Variants in PLCE1 observed in about 807,000 individuals in gnomAD.
PLCE1 encodes the protein 1-phosphatidylinositol 4,5-bisphosphate phosphodiesterase epsilon-1.
In PLCE1, 119 loss-of-function variants were observed where a neutral mutation model predicts 242.8. The observed-to-expected ratio is 0.49, with a 90% CI of 0.42 to 0.57. The LOEUF (loss-of-function observed/expected upper bound fraction) is 0.57, where lower values mean the gene tolerates loss of function less well. Ranked by LOEUF, PLCE1 falls within the 20% of genes least tolerant of loss-of-function variation. The pLI is 0.00. For missense variants in PLCE1, 2,441 were observed against 2,788.8 expected, an observed-to-expected ratio of 0.88 and a Z score of 2.81; for synonymous variants, 945 against 1,017.4, an observed-to-expected ratio of 0.93 and a Z score of 1.35.
chr10:94,113,599 A>G (rs2046023231), intron 2 of PLCE1, among the ~76,000 whole-genome samples: 1 of 152,218 alleles, frequency 6.6e-6, no homozygotes, highest in South Asian at 2.1e-4. Context: ...CATTCATTCA[A>G]TTATCACACA....
intron 14 of PLCE1, among the ~76,000 whole-genome samples, chr10:94,263,430 C>T (rs1436139864): frequency 6.6e-6 from 1 of 151,260 alleles, no homozygotes; most frequent in Non-Finnish European, 1.5e-5. Context: ...AGGAGAATCA[C>T]TGGAACACGG....
At chr10:94,267,364 C>T (rs952110209) in intron 16 of PLCE1, among the ~76,000 whole-genome samples, 2 of 152,146 alleles carry the variant, frequency 1.3e-5, no homozygotes, top group African/African-American at 4.8e-5. Flanking sequence ...CAAGGAGAGA[C>T]TCTCACAGCT....
intron 2 of PLCE1, among the ~76,000 whole-genome samples, chr10:94,062,422 G>A (rs552860600): frequency 1.3e-5 from 2 of 152,152 alleles, no homozygotes; most frequent in African/African-American, 4.8e-5. Flanking sequence ...CTCCCAAGTA[G>A]CAGTCCACTC....
intron 2 of PLCE1, chr10:94,100,459 G>T (rs1018664578): frequency 6.6e-6 from 1 of 152,200 alleles, no homozygotes; most frequent in African/African-American, 2.4e-5. Flanking sequence ...GGTTGGATGT[G>T]CTCATCTAGG....
At chr10:94,090,323 G>A (rs780878722) in intron 2 of PLCE1, among the ~76,000 whole-genome samples, 15 of 152,154 alleles carry the variant, frequency 9.9e-5, no homozygotes, top group Admixed American at 1.3e-4. Context: ...TTCTATCTGC[G>A]AATTTCCATA....
intron 2 of PLCE1, among the ~76,000 whole-genome samples, chr10:94,046,799 C>T (rs11596720): frequency 6.6e-6 from 1 of 152,062 alleles, no homozygotes; most frequent in Non-Finnish European, 1.5e-5. Context: ...AGTTACTTAC[C>T]CTCTCTGTGC....
intron 1 of PLCE1, among the ~76,000 whole-genome samples, chr10:94,026,122 A>G (rs1425888254): frequency 6.6e-6 from 1 of 152,156 alleles, no homozygotes; most frequent in Non-Finnish European, 1.5e-5. Context: ...ACACCCATCA[A>G]CAGGATTATT....
intron 7 of PLCE1, among the ~76,000 whole-genome samples, chr10:94,245,525 C>T (rs138077675): frequency 1.1e-3 from 162 of 151,756 alleles, no homozygotes; most frequent in African/African-American, 3.7e-3. Context: ...TTTGCTCTGT[C>T]GCCTAGGCTG....
intron 22 of PLCE1, among the ~76,000 whole-genome samples, chr10:94,291,778 A>G (rs1406561544): frequency 1.3e-5 from 2 of 152,166 alleles, no homozygotes; most frequent in African/African-American, 4.8e-5. Context: ...CTGTAATCCC[A>G]GCTTTCTGGA....
At position 94,235,961 on chromosome 10, in the gene PLCE1, G is replaced by C. The variant is rs2050309437; in HGVS notation, c.2261G>C (p.Gly754Ala). The change falls in exon 7 of 33, where the codon GGA becomes GCA. Residue 754 changes from glycine (G) to alanine (A), a missense_variant. Around this residue, in one of 5 missense-constraint regions of PLCE1, gnomAD observed 733 missense variants for 754.2 expected, o/e 0.97. Coordinates refer to ENST00000371380, the MANE Select transcript of PLCE1 (RefSeq NM_016341.4). ...CAAGATAATTTCTTACAACGAGTGG[G>C]ACAAAATGGCTTAAAGAATTCGGAG... ...SGQDNFLQRVGQNGLKNSEKE... is the reference protein window; with the variant it reads ...SGQDNFLQRVAQNGLKNSEKE... The C allele has an allele frequency of 3.1e-6, 5 of 1,614,008 alleles. No individual in the cohort carries two copies. In the East Asian group the frequency reaches 1.1e-4, roughly 36 times the overall value.
intron 4 of PLCE1, among the ~76,000 whole-genome samples, chr10:94,181,908 C>A (rs79708087): frequency 6.8e-4 from 104 of 152,202 alleles, no homozygotes; most frequent in African/African-American, 2.3e-3. Flanking sequence ...TAGAGTGAGA[C>A]CCTTTCTCTA....
intron 3 of PLCE1, among the ~76,000 whole-genome samples, chr10:94,133,074 C>G (rs570525408): frequency 6.6e-6 from 1 of 150,996 alleles, no homozygotes; most frequent in African/African-American, 2.4e-5. Flanking sequence ...TAGTTTATGA[C>G]AAATGTCAAT....
chr10:94,146,068 G>A (rs2047102177), intron 3 of PLCE1, among the ~76,000 whole-genome samples: 1 of 152,140 alleles, frequency 6.6e-6, no homozygotes, highest in South Asian at 2.1e-4. Context: ...GTGAAAATTT[G>A]AACCTAAAGC....
At chr10:94,137,443 A>G (rs1363026841) in intron 3 of PLCE1, among the ~76,000 whole-genome samples, 2 of 151,990 alleles carry the variant, frequency 1.3e-5, no homozygotes, top group Non-Finnish European at 2.9e-5. Flanking sequence ...TGGTAATGTG[A>G]AGTACTAAAA....
intron 10 of PLCE1, 142 bp downstream of exon 10, chr10:94,254,449 A>G (rs1282337896): frequency 2.8e-6 from 2 of 717,388 alleles, no homozygotes; most frequent in Non-Finnish European, 2.5e-6. Context: ...ATGAAACCTA[A>G]AGGTACTTCT....
At chr10:94,273,129 G>A (rs1447705832) in intron 18 of PLCE1, among the ~76,000 whole-genome samples, 2 of 152,104 alleles carry the variant, frequency 1.3e-5, no homozygotes, top group Non-Finnish European at 2.9e-5. Flanking sequence ...TGTGTCTGTG[G>A]TTCTTTACAC....
chr10:94,231,847 C>G (rs1362717943), intron 5 of PLCE1, among the ~76,000 whole-genome samples: 1 of 152,164 alleles, frequency 6.6e-6, no homozygotes, highest in East Asian at 1.9e-4. Flanking sequence ...GCTGATCTGA[C>G]AGCAGGCAGA....
intron 2 of PLCE1, among the ~76,000 whole-genome samples, chr10:94,050,991 A>T (rs184137936): frequency 1.3e-5 from 2 of 152,240 alleles, no homozygotes; most frequent in Admixed American, 1.3e-4. Context: ...AGTTTATGGG[A>T]TGGGATACTT....
intron 20 of PLCE1, among the ~76,000 whole-genome samples, chr10:94,281,964 G>A (rs1327198350): frequency 2.0e-5 from 3 of 151,562 alleles, no homozygotes; most frequent in East Asian, 1.9e-4. Flanking sequence ...GGGAAGCACC[G>A]TTACCAGCCT....
Sources: gnomAD v4.1 joint callset for allele counts (sites outside exome capture counted in the v4.1 genomes callset) on GRCh38, gnomAD v4.1.1 for gene constraint, gnomAD v4.1.1 regional missense constraint, MANE v1.5 for transcripts, NCBI Gene and HGNC (gene_info 2026-07-23, HGNC 2026-07-21) for gene names.